DDC: variants seen among roughly 807,000 people sequenced by gnomAD.
DDC encodes the protein aromatic-L-amino-acid decarboxylase.
Under a neutral mutation model 60.0 loss-of-function variants are expected in DDC, and 43 were observed. The ratio of observed to expected loss-of-function variants is 0.72; its 90% CI spans 0.56 to 0.92. The LOEUF (loss-of-function observed/expected upper bound fraction) is 0.92. Ranked by LOEUF, DDC falls within the 40% of genes least tolerant of loss-of-function variation. The pLI is 0.00. For missense variants in DDC, 573 were observed against 620.2 expected (o/e 0.92, Z 0.81); for synonymous variants, 232 against 234.6 (o/e 0.99, Z 0.10).
intron 9 of DDC, among the ~76,000 whole-genome samples, chr7:50,485,821 T>C (rs2042868796): frequency 6.6e-6 from 1 of 152,166 alleles, no homozygotes; most frequent in Non-Finnish European, 1.5e-5. Context: ...CCACTCCCTG[T>C]CTCCACGTTA....
intron 4 of DDC, among the ~76,000 whole-genome samples, chr7:50,531,337 C>T (rs760348848): frequency 4.6e-5 from 7 of 152,158 alleles, no homozygotes; most frequent in Non-Finnish European, 8.8e-5. Context: ...TCTGCCCCCA[C>T]ACACATTTTG....
At chr7:50,488,134 T>C (rs1428521004) in intron 9 of DDC, among the ~76,000 whole-genome samples, 2 of 152,082 alleles carry the variant, frequency 1.3e-5, no homozygotes, top group Non-Finnish European at 2.9e-5. Flanking sequence ...CATCAGTTTT[T>C]ATAAGTAATC....
Position 50,537,932 on chromosome 7 carries a change from C to T in DDC, c.363G>A (p.Trp121Ter). 6.2e-7 allele frequency: 1 copy of T among 1,614,176 alleles called. No individual in the cohort carries two copies. Among genetic ancestry groups the T allele is most frequent in the Non-Finnish European group, 8.5e-7 (1 of 1,180,038 alleles). ...TTGGTAGTTCCAGCATCTTCCCGAGCCAGTCCATCATCACAGTCTCCAGCT... is the reference window on the plus strand; with the variant it reads ...TTGGTAGTTCCAGCATCTTCCCGAGTCAGTCCATCATCACAGTCTCCAGCT... ...CTELETVMMDWLGKMLELPKA... is the reference protein window; with the variant it reads ...CTELETVMMD Residue 121 changes from tryptophan (W) to a stop codon, truncating the protein, a stop_gained, in exon 4 of 15, where the codon TGG becomes TGA. Transcript: ENST00000444124. LOFTEE classifies it high-confidence loss of function.
chr7:50,559,655 C>T lies in DDC; in HGVS notation c.-29+5630G>A, dbSNP rs186019287. On this transcript the variant is annotated intron_variant, in intron 1 of 14. Coordinates refer to ENST00000444124, the MANE Select transcript of DDC (RefSeq NM_001082971.2). ...GTTGGCCAGGCTGGTCTTGAACTCCCGACCTCAGGTGATCCACTCGCCTCA... is the reference window on the plus strand; with the variant it reads ...GTTGGCCAGGCTGGTCTTGAACTCCTGACCTCAGGTGATCCACTCGCCTCA... Among the ~76,000 whole-genome samples the T allele has an allele frequency of 1.2e-3, 184 of 152,210 alleles. 1 individual carries two copies. The highest frequency in any genetic ancestry group is 2.2e-3 in the Non-Finnish European group (152 of 68,006).
intron 1 of DDC, among the ~76,000 whole-genome samples, chr7:50,551,127 A>G (rs943121612): frequency 6.6e-6 from 1 of 152,172 alleles, no homozygotes; most frequent in African/African-American, 2.4e-5. Flanking sequence ...ATATATTGCC[A>G]AATTTTCCCC....
At chr7:50,493,094 C>A in intron 9 of DDC, 2 of 1,070,374 alleles carry the variant, frequency 1.9e-6, no homozygotes, top group South Asian at 2.7e-5. Flanking sequence ...TATTTCTGGT[C>A]CCTGACCGCT....
chr7:50,529,475 C>T (rs2044136469), intron 4 of DDC, 133 bp from the exon 5 acceptor site: 1 of 1,057,422 alleles, frequency 9.5e-7, no homozygotes, highest in African/African-American at 1.6e-5. Context: ...AATTCACTCT[C>T]CTTTGCTTAG....
chr7:50,467,799 C>A (rs11575521), intron 12 of DDC, among the ~76,000 whole-genome samples: 15,593 of 152,200 alleles, frequency 0.1, 988 homozygotes, highest in South Asian at 0.12. Context: ...GCCCAAGGTG[C>A]ACCCGGAGGC....
chr7:50,496,363 A>T (rs189979384), intron 8 of DDC, among the ~76,000 whole-genome samples: 1 of 152,282 alleles, frequency 6.6e-6, no homozygotes, highest in East Asian at 1.9e-4. Flanking sequence ...TACTGGGATT[A>T]CAGGTGTGAG....
At chr7:50,558,249 C>T (rs890464408) in intron 1 of DDC, among the ~76,000 whole-genome samples, 1 of 152,150 alleles carries the variant, frequency 6.6e-6, no homozygotes, top group African/African-American at 2.4e-5. Context: ...TCATAATATC[C>T]AGTGCCCATG....
chr7:50,491,872 TG>T (rs2043004983), intron 9 of DDC, among the ~76,000 whole-genome samples: 1 of 152,174 alleles, frequency 6.6e-6, no homozygotes, highest in South Asian at 2.1e-4. Flanking sequence ...AAATCATCTT[TG>T]GGGAAAGGCA....
intron 13 of DDC, 138 bp downstream of exon 13, chr7:50,467,076 C>A: frequency 2.4e-6 from 2 of 837,690 alleles, no homozygotes; most frequent in Non-Finnish European, 4.1e-6. Context: ...CAGGGCAGGC[C>A]GGTGGGCCAA....
intron 4 of DDC, among the ~76,000 whole-genome samples, chr7:50,532,523 A>T (rs2044250046): frequency 6.6e-6 from 1 of 152,126 alleles, no homozygotes. Flanking sequence ...GCTTTAATTC[A>T]CTTTTGCTGC....
intron 1 of DDC, among the ~76,000 whole-genome samples, chr7:50,548,848 G>C (rs1418207356): frequency 6.6e-6 from 1 of 152,230 alleles, no homozygotes; most frequent in Non-Finnish European, 1.5e-5. Flanking sequence ...AGAAGTCAAT[G>C]CCCGGCTTCA....
At chr7:50,464,699 C>CTG (rs1397564945) in intron 13 of DDC, among the ~76,000 whole-genome samples, 2 of 152,170 alleles carry the variant, frequency 1.3e-5, no homozygotes, top group Non-Finnish European at 2.9e-5. Context: ...ACAAAGTAGG[C>CTG]TGAGTGCACA....
At chr7:50,462,757 C>T (rs1048885541) in intron 14 of DDC, among the ~76,000 whole-genome samples, 3 of 144,208 alleles carry the variant, frequency 2.1e-5, no homozygotes, top group Non-Finnish European at 3.0e-5. Flanking sequence ...ACATGGTTTT[C>T]TCTTCTTCTT....
At chr7:50,533,319 A>G (rs1454983531) in intron 4 of DDC, among the ~76,000 whole-genome samples, 8 of 148,836 alleles carry the variant, frequency 5.4e-5, no homozygotes, top group Admixed American at 4.0e-4. Context: ...TTTTTGAGAC[A>G]GGGTCTCACT....
chr7:50,465,010 A>G (rs2042363916), intron 13 of DDC, among the ~76,000 whole-genome samples: 1 of 152,206 alleles, frequency 6.6e-6, no homozygotes, highest in South Asian at 2.1e-4. Flanking sequence ...TCAGCTGAAA[A>G]ATGCCTTGGA....
At chr7:50,513,074 A>G (rs1474191645) in intron 6 of DDC, among the ~76,000 whole-genome samples, 1 of 152,212 alleles carries the variant, frequency 6.6e-6, no homozygotes, top group Non-Finnish European at 1.5e-5. Flanking sequence ...AGAACAAACC[A>G]GCAATCCCGA....
Sources: allele counts gnomAD v4.1 joint callset (sites outside exome capture counted in the v4.1 genomes callset), GRCh38; gene constraint gnomAD v4.1.1; transcripts MANE v1.5; gene names NCBI Gene and HGNC (gene_info 2026-07-23, HGNC 2026-07-21).